FNTB: variants seen among roughly 807,000 people sequenced by gnomAD.
FNTB encodes protein farnesyltransferase subunit beta.
A neutral mutation model predicts 59.4 loss-of-function variants in FNTB; 27 were observed. The ratio of observed to expected loss-of-function variants is 0.45; its 90% CI spans 0.34 to 0.63. The LOEUF (loss-of-function observed/expected upper bound fraction) is 0.63. FNTB is among the 20% of genes least tolerant of loss of function. The pLI, the probability that FNTB is intolerant of heterozygous loss-of-function variation, is 0.02. For missense variants in FNTB, 449 were observed against 559.6 expected, an observed-to-expected ratio of 0.80 and a Z score of 1.99; for synonymous variants, 230 against 220.7, an observed-to-expected ratio of 1.04 and a Z score of -0.37.
intron 1 of FNTB, among the ~76,000 whole-genome samples, chr14:64,998,376 G>A (rs562957609): frequency 6.2e-4 from 95 of 152,316 alleles, no homozygotes; most frequent in Non-Finnish European, 9.0e-4. Flanking sequence ...GGTAAAGGAA[G>A]ACAAAGGTTT....
chr14:65,021,526 G>A (rs1388664021), intron 4 of FNTB, among the ~76,000 whole-genome samples: 1 of 152,300 alleles, frequency 6.6e-6, no homozygotes, highest in East Asian at 1.9e-4. Flanking sequence ...CTGGCCAGGT[G>A]CTGTTGGCAC....
At position 65,032,637 on chromosome 14, in the gene FNTB, C is replaced by G; in HGVS notation, c.633C>G (p.Ala211=). 6.2e-7 allele frequency: 1 copy of G among 1,613,972 alleles called. No homozygotes were observed. Among genetic ancestry groups the G allele is most frequent in the Non-Finnish European group, 8.5e-7 (1 of 1,180,018 alleles). Residue 211 remains alanine (A), a synonymous_variant, in exon 7 of 12, where the codon GCC becomes GCG. Transcript: ENST00000246166. This position sits in a 1 kb window ranked among gnomAD's most constrained non-coding sequence, Gnocchi z 5.0. Reference sequence around the variant, plus strand: ...GCGCATACTGTGCTGCCTCCGTAGCCTCGCTGACCAACATCATCACTCCAG... The same window carrying G: ...GCGCATACTGTGCTGCCTCCGTAGCGTCGCTGACCAACATCATCACTCCAG... The part of the protein sequence containing the change: ...VRSAYCAASV[A]SLTNIITPDL...
rs1379842514 is a variant in FNTB, at chr14:64,990,785, A to C, written c.144+3688A>C. On this transcript the variant is annotated intron_variant, in intron 1 of 11. Coordinates refer to ENST00000246166, the MANE Select transcript of FNTB (RefSeq NM_002028.4). The surrounding 1 kb of genome is among the most constrained non-coding windows in gnomAD (Gnocchi z 5.2). ...TAGATGGTGGGGAGTGAGGGTGGAT[A>C]CAGGGAAACCAGTTAGGAGGCTATT... Among the ~76,000 whole-genome samples the C allele has an allele frequency of 6.6e-6, 1 of 152,206 alleles. No individual in the cohort carries two copies. The highest frequency in any genetic ancestry group is 1.5e-5 in the Non-Finnish European group (1 of 68,034).
chr14:65,057,478 T>G (rs1315311686), intron 11 of FNTB, among the ~76,000 whole-genome samples: 1 of 152,164 alleles, frequency 6.6e-6, no homozygotes, highest in Non-Finnish European at 1.5e-5. Context: ...TCAAATCTAT[T>G]TGTCTTTTCT....
rs553236625 is a variant in FNTB, at chr14:65,049,977, CAT to C, written c.956-3254_956-3253del. On this transcript the variant is annotated intron_variant, in intron 9 of 11. Transcript: ENST00000246166. ...TATGATTACAATATTAAGTATAAAA[CAT>C]ATATATGTTTTACATTAATTAAATT... is the stretch of plus-strand genomic sequence containing the variant. Among the ~76,000 whole-genome samples, 155 of 151,886 alleles carry C rather than the reference CAT, an allele frequency of 1.0e-3. 1 individual carries two copies. The highest frequency in any genetic ancestry group is 3.6e-3 in the African/African-American group (148 of 41,420).
Position 65,037,863 on chromosome 14 carries a change from T to C in FNTB, c.693-2927T>C, listed in dbSNP as rs185168209. Among the ~76,000 whole-genome samples the C allele has an allele frequency of 2.7e-3, 416 of 151,484 alleles. 3 individuals are homozygous for C. The highest frequency in any genetic ancestry group is 9.4e-3 in the African/African-American group (387 of 41,294). On this transcript the variant is annotated intron_variant, in intron 7 of 11. Transcript: ENST00000246166. Reference sequence around the variant, plus strand: ...TGGTGCAGACCAGCTCACTGCAACCTCTTTCTCCCAGGTTCAAGCGATTCT... The same window carrying C: ...TGGTGCAGACCAGCTCACTGCAACCCCTTTCTCCCAGGTTCAAGCGATTCT...
At chr14:65,057,509 T>G (rs937910506) in intron 11 of FNTB, among the ~76,000 whole-genome samples, 1 of 152,164 alleles carries the variant, frequency 6.6e-6, no homozygotes, top group African/African-American at 2.4e-5. Context: ...GGTTTGTTTT[T>G]GGGGGAGGGT....
In FNTB at chr14:65,011,211, T is replaced by G. The variant is rs913183170; in HGVS notation, c.210-1106T>G. The stretch of plus-strand genomic sequence containing the variant: ...TGGGAGGCCAAGGCAGGGGATTACC[T>G]GAGGTCAGGAGTTCAAGACCAGCCT... On this transcript the variant is annotated intron_variant, in intron 2 of 11. Transcript: ENST00000246166. This position sits in a 1 kb window ranked among gnomAD's most constrained non-coding sequence, Gnocchi z 4.0. Among the ~76,000 whole-genome samples the G allele has an allele frequency of 1.3e-5, 2 of 152,188 alleles. No individual in the cohort carries two copies. The highest frequency in any genetic ancestry group is 4.8e-5 in the African/African-American group (2 of 41,442).
intron 9 of FNTB, among the ~76,000 whole-genome samples, chr14:65,049,450 G>A (rs1023643713): frequency 4.6e-5 from 7 of 152,138 alleles, no homozygotes; most frequent in African/African-American, 1.4e-4. Context: ...GGATTTAAAA[G>A]GTGGATTCCA....
chr14:65,024,575 T>C (rs1033050119), intron 4 of FNTB, among the ~76,000 whole-genome samples: 2 of 152,196 alleles, frequency 1.3e-5, no homozygotes, highest in East Asian at 1.9e-4. Context: ...AATTGGCACG[T>C]AAGCTAGAAT....
chr14:65,003,361 T>A (rs1336357426), intron 1 of FNTB: 1 of 152,014 alleles, frequency 6.6e-6, no homozygotes, highest in Non-Finnish European at 1.5e-5. Flanking sequence ...GAGTGGTGAG[T>A]TAATGAACAT....
In FNTB at chr14:65,031,474, T is replaced by C. The variant is rs1205394023; in HGVS notation, c.606-1136T>C. On this transcript the variant is annotated intron_variant, in intron 6 of 11. Coordinates refer to ENST00000246166, the MANE Select transcript of FNTB (RefSeq NM_002028.4). The surrounding 1 kb of genome is among the most constrained non-coding windows in gnomAD (Gnocchi z 4.6). ...TTGGGACTACGGGCACACGCCACCA[T>C]GCCCAGCTAATTTTTGTGTTTTTAG... Among the ~76,000 whole-genome samples the C allele has an allele frequency of 2.0e-5, 3 of 151,936 alleles. No individual in the cohort carries two copies. The highest frequency in any genetic ancestry group is 3.9e-4 in the East Asian group (2 of 5,070).
At position 65,012,230 on chromosome 14, in the gene FNTB, T is replaced by A; in HGVS notation, c.210-87T>A. 1.3e-6 allele frequency: 2 copies of A among 1,545,510 alleles called. No homozygotes were observed. The highest frequency in any genetic ancestry group is 3.4e-5 in the Admixed American group (2 of 58,908). Reference sequence around the variant, plus strand: ...AGGGGGACGTCCTGAAGCTGAGTGTTTACCCGTGTGTGTGTACGTGCACAT... The same window carrying A: ...AGGGGGACGTCCTGAAGCTGAGTGTATACCCGTGTGTGTGTACGTGCACAT... On this transcript the variant is annotated intron_variant, in intron 2 of 11. Transcript: ENST00000246166. This position sits in a 1 kb window ranked among gnomAD's most constrained non-coding sequence, Gnocchi z 5.0.
At chr14:65,015,598 A>T in intron 3 of FNTB, 27 bp from the exon 4 acceptor site, 1 of 1,612,086 alleles carries the variant, frequency 6.2e-7, no homozygotes, top group Non-Finnish European at 8.5e-7. Flanking sequence ...TGAATAAGGG[A>T]TGTTTTCTCT....
chr14:64,994,275 T>G lies in FNTB; in HGVS notation c.144+7178T>G, dbSNP rs1746091816. On this transcript the variant is annotated intron_variant, in intron 1 of 11. Transcript: ENST00000246166. The surrounding 1 kb of genome is among the most constrained non-coding windows in gnomAD (Gnocchi z 4.2). Reference sequence around the variant, plus strand: ...TATTTATTGCCATGGCACCTAAGTGTTGGGGACCCTAGTACAGTTACTTGA... The same window carrying G: ...TATTTATTGCCATGGCACCTAAGTGGTGGGGACCCTAGTACAGTTACTTGA... 6.6e-6 allele frequency among the ~76,000 whole-genome samples: 1 copy of G among 152,200 alleles called. No individual in the cohort carries two copies. Among genetic ancestry groups the G allele is most frequent in the Non-Finnish European group, 1.5e-5 (1 of 68,036 alleles).
intron 1 of FNTB, among the ~76,000 whole-genome samples, chr14:65,002,316 A>G (rs2061532727): frequency 1.3e-5 from 2 of 152,202 alleles, no homozygotes; most frequent in African/African-American, 2.4e-5. Flanking sequence ...AAGTCAATAC[A>G]CCAAGGGGTT....
rs138193424 is a variant in FNTB at position 65,030,609 on chromosome 14, G to A, written c.606-2001G>A. Among the ~76,000 whole-genome samples the A allele has an allele frequency of 1.3e-5, 2 of 152,144 alleles. No homozygotes were observed. Among genetic ancestry groups the A allele is most frequent in the East Asian group, 1.9e-4 (1 of 5,158 alleles). On this transcript the variant is annotated intron_variant, in intron 6 of 11. Coordinates refer to ENST00000246166, the MANE Select transcript of FNTB (RefSeq NM_002028.4). The surrounding 1 kb of genome is among the most constrained non-coding windows in gnomAD (Gnocchi z 4.5). ...TTTAAAAAATTAGCCAGGTGTGGTG[G>A]CATGCATCTGTAGCCTCAGCTGCTT...
chr14:65,042,812 C>T (rs759038893), intron 8 of FNTB, among the ~76,000 whole-genome samples: 1 of 152,236 alleles, frequency 6.6e-6, no homozygotes, highest in Non-Finnish European at 1.5e-5. Flanking sequence ...ACTCCCACTG[C>T]AGCGCCTGCT....
At chr14:65,015,779 G>T in intron 4 of FNTB, 63 bp downstream of exon 4, 1 of 1,572,520 alleles carries the variant, frequency 6.4e-7, no homozygotes, top group Non-Finnish European at 8.7e-7. Flanking sequence ...TTGGGATTTT[G>T]TTTTGTTTCT....
Sources: allele counts gnomAD v4.1 joint callset (sites outside exome capture counted in the v4.1 genomes callset), GRCh38; gene constraint gnomAD v4.1.1; non-coding constraint Gnocchi (gnomAD v3.1); transcripts MANE v1.5; gene names NCBI Gene and HGNC (gene_info 2026-07-23, HGNC 2026-07-21).